SMCHD1: variants seen among roughly 807,000 people sequenced by gnomAD.
The protein encoded by SMCHD1 is structural maintenance of chromosomes flexible hinge domain-containing protein 1.
Under a neutral mutation model 254.7 loss-of-function variants are expected in SMCHD1, and 78 were observed. The ratio of observed to expected loss-of-function variants is 0.31; its 90% CI spans 0.26 to 0.37. The LOEUF is 0.37. Ranked by LOEUF, SMCHD1 falls within the 10% of genes least tolerant of loss-of-function variation. SMCHD1 has a pLI of 1.00. For synonymous variants in SMCHD1, 766 were observed against 794.9 expected, an observed-to-expected ratio of 0.96 and a Z score of 0.61; for missense variants, 1,840 against 2,408.1, an observed-to-expected ratio of 0.76 and a Z score of 4.94.
chr18:2,797,463 A>T (rs2143866320), intron 47 of SMCHD1, among the ~76,000 whole-genome samples: 1 of 152,306 alleles, frequency 6.6e-6, no homozygotes, highest in Middle Eastern at 3.4e-3. Flanking sequence ...GGTGTTTGGA[A>T]TTGGTATTCT....
rs550892796 is a variant in SMCHD1 at position 2,775,987 on chromosome 18, T to C, written c.5366+63T>C. ...TATTTTCTGTTTTTTATCAAAGCCT[T>C]GAATTTAAAAATGATTTCTCTAAAA... On this transcript the variant is annotated intron_variant, in intron 42 of 47. Transcript: ENST00000320876. The C allele has an allele frequency of 3.0e-6, 4 of 1,329,932 alleles. No individual in the cohort carries two copies. The African/African-American group carries it at 6.1e-5, about 20-fold the overall frequency. The allele number at this position is 1,329,932 out of a possible 1,614,324, so 82.4% of individuals were successfully genotyped here. A position where few individuals can be genotyped will look rare whatever the true frequency, so the allele number is the denominator to read the frequency against.
At position 2,666,941 on chromosome 18, in the gene SMCHD1, A is replaced by G. The variant is rs1345786584; in HGVS notation, c.334A>G (p.Lys112Glu). 4 of 1,612,762 alleles carry G rather than the reference A, an allele frequency of 2.5e-6. No individual in the cohort carries two copies. Among genetic ancestry groups the G allele is most frequent in the East Asian group, 4.5e-5 (2 of 44,850 alleles). The change falls in exon 3 of 48, where the codon AAA (lysine) becomes GAA (glutamate). Residue 112 changes from lysine (K) to glutamate (E), a missense_variant. Transcript: ENST00000320876. ...SVNQLLLTATKERIDFLPHYD... is the reference protein window; with the variant it reads ...SVNQLLLTATEERIDFLPHYD... Reference sequence around the variant, plus strand: ...CAATCAGTTACTACTGACAGCTACGAAAGAACGAATTGACTTCTTACCTCA... The same window carrying G: ...CAATCAGTTACTACTGACAGCTACGGAAGAACGAATTGACTTCTTACCTCA...
Position 2,751,191 on chromosome 18 carries a change from AGATG to A in SMCHD1, c.4166-86_4166-83del, listed in dbSNP as rs1275957424. ...AACGTGTGCTTTAAACATTTAAATA[AGATG>A]TTTGCTTTAAGGCATACAATTATTT... On this transcript the variant is annotated intron_variant, in intron 32 of 47. Coordinates refer to ENST00000320876, the MANE Select transcript of SMCHD1 (RefSeq NM_015295.3). The A allele has an allele frequency of 8.8e-6, 6 of 681,322 alleles. No individual in the cohort carries two copies. The African/African-American group carries it at 9.6e-5, about 11-fold the overall frequency. 42.2% of individuals were successfully genotyped at this position (681,322 alleles called of 1,614,324 possible).
chr18:2,795,632 A>C (rs2143859527), intron 45 of SMCHD1, among the ~76,000 whole-genome samples: 1 of 152,338 alleles, frequency 6.6e-6, no homozygotes, highest in South Asian at 2.1e-4. Context: ...TATATTGAAT[A>C]CTGAATATCA....
At chr18:2,770,296 T>A (rs2075954705) in intron 39 of SMCHD1, among the ~76,000 whole-genome samples, 188 bp downstream of exon 39, 1 of 152,226 alleles carries the variant, frequency 6.6e-6, no homozygotes. Flanking sequence ...TTATTTTAAA[T>A]AAATTTGTAT....
At chr18:2,692,095 T>C (rs939114785) in intron 7 of SMCHD1, among the ~76,000 whole-genome samples, 10 of 152,222 alleles carry the variant, frequency 6.6e-5, no homozygotes, top group Non-Finnish European at 1.5e-4. Flanking sequence ...CCAAACAGTA[T>C]TTTTTTGCCT....
rs527404617 is a variant in SMCHD1 at position 2,739,981 on chromosome 18, C to T, written c.3514+461C>T. 1.5e-3 allele frequency among the ~76,000 whole-genome samples: 231 copies of T among 151,316 alleles called. 1 individual carries two copies. Among genetic ancestry groups the T allele is most frequent in the African/African-American group, 5.1e-3 (208 of 41,134 alleles). ...TAAGTTCTGGGGTACATGTGCAGAA[C>T]GTGCAGGTTTGTTACATAGGTATAC... On this transcript the variant is annotated intron_variant, in intron 27 of 47. Coordinates refer to ENST00000320876, the MANE Select transcript of SMCHD1 (RefSeq NM_015295.3).
At position 2,772,705 on chromosome 18, in the gene SMCHD1, G is replaced by A. The variant is rs189404055; in HGVS notation, c.5175+333G>A. ...GAGTACGATGGTAAGACTGTGGCTC[G>A]CTGCTCCCTCCACCTGCTGGGCTCA... is the stretch of plus-strand genomic sequence containing the variant. On this transcript the variant is annotated intron_variant, in intron 41 of 47. Transcript: ENST00000320876. Among the ~76,000 whole-genome samples, 22 of 152,268 alleles carry A rather than the reference G, an allele frequency of 1.4e-4. No homozygotes were observed. The East Asian group carries it at 3.9e-3, about 27-fold the overall frequency.
intron 34 of SMCHD1, among the ~76,000 whole-genome samples, chr18:2,755,415 C>A (rs532597336): frequency 1.3e-5 from 2 of 152,124 alleles, no homozygotes; most frequent in South Asian, 4.2e-4. Context: ...CCCACCTCAG[C>A]CTCCCAAAGT....
intron 25 of SMCHD1, 56 bp downstream of exon 25, chr18:2,732,548 T>A: frequency 1.7e-6 from 2 of 1,186,738 alleles, no homozygotes; most frequent in Admixed American, 2.4e-5. Context: ...TTTATGTTTG[T>A]AAGACTGAAC....
intron 24 of SMCHD1, among the ~76,000 whole-genome samples, chr18:2,730,323 A>G (rs979802038): frequency 3.3e-5 from 5 of 152,088 alleles, no homozygotes; most frequent in Non-Finnish European, 7.4e-5. Context: ...GGCACCCGCC[A>G]CCACGCCTGA....
intron 45 of SMCHD1, among the ~76,000 whole-genome samples, chr18:2,788,337 C>T (rs1236071407): frequency 6.6e-6 from 1 of 152,058 alleles, no homozygotes; most frequent in East Asian, 1.9e-4. Context: ...CATGAATGAT[C>T]GTATTTACTG....
intron 17 of SMCHD1, among the ~76,000 whole-genome samples, chr18:2,712,222 T>C (rs1008205283): frequency 1.5e-5 from 2 of 134,306 alleles, no homozygotes; most frequent in African/African-American, 5.8e-5. Context: ...GTCTGTAGTT[T>C]TCTTTTTCCT....
intron 10 of SMCHD1, among the ~76,000 whole-genome samples, chr18:2,699,047 T>C (rs1320536717): frequency 2.6e-5 from 4 of 152,208 alleles, no homozygotes; most frequent in African/African-American, 9.6e-5. Flanking sequence ...ATTTATAGGT[T>C]AACAATATTA....
At position 2,796,124 on chromosome 18, in the gene SMCHD1, T is replaced by C. The variant is rs559696794; in HGVS notation, c.5878+17T>C. 81 of 1,505,000 alleles carry C rather than the reference T, an allele frequency of 5.4e-5. No homozygotes were observed. The South Asian group carries it at 9.5e-4, about 18-fold the overall frequency. The allele number at this position is 1,505,000 out of a possible 1,614,324, so 93.2% of individuals were successfully genotyped here. On this transcript the variant is annotated intron_variant, in intron 46 of 47. Coordinates refer to ENST00000320876, the MANE Select transcript of SMCHD1 (RefSeq NM_015295.3). ...AAAAACTAGGTAAGTCTTTGCTTTT[T>C]GTTAACTTCTACTTTCTTTATATGG...
intron 17 of SMCHD1, 98 bp downstream of exon 17, chr18:2,708,018 T>C: frequency 1.5e-6 from 1 of 645,528 alleles, no homozygotes; most frequent in Non-Finnish European, 2.4e-6. Flanking sequence ...AGCAATCTGA[T>C]AGGCATAGCA....
At chr18:2,671,234 C>T (rs147357463) in intron 3 of SMCHD1, among the ~76,000 whole-genome samples, 3 of 152,124 alleles carry the variant, frequency 2.0e-5, no homozygotes, top group South Asian at 2.1e-4. Context: ...CTGCACCTGG[C>T]CCATGAATCT....
chr18:2,752,532 A>T lies in SMCHD1; in HGVS notation c.4326A>T (p.Glu1442Asp). 1 of 1,589,536 alleles carries T rather than the reference A, an allele frequency of 6.3e-7. No individual in the cohort carries two copies. Among genetic ancestry groups the T allele is most frequent in the Non-Finnish European group, 8.6e-7 (1 of 1,158,246 alleles). The change falls in exon 34 of 48, where the codon GAA (glutamate) becomes GAT (aspartate). Residue 1442 changes from glutamate to aspartate, a missense_variant. Transcript: ENST00000320876. ...ATAAAATAAAAGATAATGACAAAGA[A>T]GATGGCTGCTTCTATTTCAGGTATT... is the stretch of plus-strand genomic sequence containing the variant. ...SCNKIKDNDK[E>D]DGCFYFRDKV...
chr18:2,784,763 TA>T (rs2076211941), intron 45 of SMCHD1, 142 bp downstream of exon 45: 1 of 920,140 alleles, frequency 1.1e-6, no homozygotes, highest in East Asian at 2.7e-5. Flanking sequence ...TTTTGTCTAC[TA>T]CTTTCAGCTT....
Sources: gnomAD v4.1 joint callset for allele counts (sites outside exome capture counted in the v4.1 genomes callset) on GRCh38, gnomAD v4.1.1 for gene constraint, MANE v1.5 for transcripts, NCBI Gene and HGNC (gene_info 2026-07-23, HGNC 2026-07-21) for gene names.